The following EXTL1 variants were observed in gnomAD, a reference collection of about 807,000 sequenced individuals.
EXTL1 encodes the protein exostosin like glycosyltransferase 1, also known as exostosin-like 1.
EXTL1 carries 43 observed loss-of-function variants against 64.6 expected under a neutral mutation model. That is an observed-to-expected ratio of 0.67 (90% CI 0.52 to 0.86). The LOEUF is 0.86. EXTL1 is among the 40% of genes least tolerant of loss of function. The probability of loss-of-function intolerance (pLI) is 0.00; values close to 1 mark genes in which losing one functional copy is unlikely to be tolerated. For missense variants in EXTL1, 766 were observed against 879.0 expected (o/e 0.87, Z 1.62); for synonymous variants, 352 against 360.5 (o/e 0.98, Z 0.27).
chr1:26,031,620 G>A (rs991842372), intron 6 of EXTL1, 54 bp downstream of exon 6: 14 of 1,142,708 alleles, frequency 1.2e-5, no homozygotes, highest in Middle Eastern at 4.3e-4. Flanking sequence ...GTAAGGGACA[G>A]GGCAGGGCCC....
chr1:26,024,011 GTCTAATTTTGGGGATTA>G (rs1263201513), intron 1 of EXTL1, among the ~76,000 whole-genome samples: 1 of 152,134 alleles, frequency 6.6e-6, no homozygotes, highest in Non-Finnish European at 1.5e-5. Context: ...CTGCTCCCGT[GTCTAATTTTGGGGATTA>G]ACCTCTCAAA....
At position 26,030,163 on chromosome 1, in the gene EXTL1, C is replaced by A. The variant is rs1185477662; in HGVS notation, c.982-313C>A. 2.6e-5 allele frequency among the ~76,000 whole-genome samples: 4 copies of A among 152,234 alleles called. No homozygotes were observed. In the East Asian group the frequency reaches 7.7e-4, roughly 29 times the overall value. On this transcript the variant is annotated intron_variant, in intron 3 of 10. Transcript: ENST00000374280. ...AATATATGTGTGACCTGCCTTGAAT[C>A]CCCTGAGAATGGCAGAGGGGGTTAA...
chr1:26,027,689 TAAAA>T (rs61364586), intron 1 of EXTL1, among the ~76,000 whole-genome samples: 2 of 57,066 alleles, frequency 3.5e-5, no homozygotes, highest in Non-Finnish European at 7.5e-5. Context: ...ACCCCATCTC[TAAAA>T]AAAAAAAAAA....
Position 26,033,850 on chromosome 1 carries a change from A to G in EXTL1, c.1673A>G (p.Tyr558Cys). The change falls in exon 9 of 11, where the codon TAC becomes TGC. Residue 558 changes from tyrosine to cysteine, a missense_variant. Around this residue, in one of 3 missense-constraint regions of EXTL1, gnomAD observed 194 missense variants for 214.5 expected, o/e 0.90. Transcript: ENST00000374280. The surrounding 1 kb of genome is among the most constrained non-coding windows in gnomAD (Gnocchi z 5.1). ...ATGGTTCTCACCACAGCCGCCTTCT[A>G]CCATAGGTACAGACCCCTACCCTGC... ...FSMVLTTAAF[Y>C]HRYYHTLFTH... 6.2e-7 allele frequency: 1 copy of G among 1,613,474 alleles called. No homozygotes were observed. The highest frequency in any genetic ancestry group is 1.7e-5 in the Admixed American group (1 of 59,954).
chr1:26,034,621 G>C lies in EXTL1; in HGVS notation c.1680-215G>C, dbSNP rs2050319689. Among the ~76,000 whole-genome samples the C allele has an allele frequency of 6.6e-6, 1 of 152,184 alleles. No homozygotes were observed. Among genetic ancestry groups the C allele is most frequent in the Non-Finnish European group, 1.5e-5 (1 of 68,042 alleles). ...GATGGGGGGCCCAAGGAGCTGTGAG[G>C]GAGAGGGCAGGGAACACACCACTAA... On this transcript the variant is annotated intron_variant, in intron 9 of 10. Transcript: ENST00000374280. The surrounding 1 kb of genome is among the most constrained non-coding windows in gnomAD (Gnocchi z 4.6).
At position 26,033,787 on chromosome 1, in the gene EXTL1, G is replaced by A. The variant is rs933592979; in HGVS notation, c.1610G>A (p.Gly537Asp). 1.2e-6 allele frequency: 2 copies of A among 1,614,174 alleles called. No homozygotes were observed. The highest frequency in any genetic ancestry group is 1.1e-5 in the South Asian group (1 of 91,088). The change falls in exon 9 of 11, where the codon GGC becomes GAC. Residue 537 changes from glycine (G) to aspartate (D), a missense_variant. Gly to Asp is a moderately conservative substitution (Grantham distance 94). Around this residue, in one of 3 missense-constraint regions of EXTL1, gnomAD observed 194 missense variants for 214.5 expected, o/e 0.90. Coordinates refer to ENST00000374280, the MANE Select transcript of EXTL1 (RefSeq NM_004455.3). This position sits in a 1 kb window ranked among gnomAD's most constrained non-coding sequence, Gnocchi z 5.1. ...SSHFWDEAHG[G>D]WGYTAERTNE... is the part of the protein sequence containing the mutation. ...CATTTCTGGGACGAGGCCCATGGTG[G>A]CTGGGGCTACACTGCTGAGAGGACC...
rs138854662 is a variant in EXTL1 at position 26,022,954 on chromosome 1, C to A, written c.308C>A (p.Ala103Glu). Residue 103 changes from alanine to glutamate, a missense_variant, in exon 1 of 11, where the codon GCG becomes GAG. Around this residue, in one of 3 missense-constraint regions of EXTL1, gnomAD observed 571 missense variants for 647.6 expected, o/e 0.88. Transcript: ENST00000374280. The part of the protein sequence containing the change: ...GDGLKVFVYP[A>E]VGTISETHRR... ...GGCCTTAAGGTATTCGTGTACCCAG[C>A]GGTTGGAACCATCTCTGAGACTCAT... 35 of 1,614,088 alleles carry A rather than the reference C, an allele frequency of 2.2e-5. No homozygotes were observed. Among genetic ancestry groups the A allele is most frequent in the Non-Finnish European group, 2.9e-5 (34 of 1,179,986 alleles).
Position 26,025,608 on chromosome 1 carries a change from A to G in EXTL1, c.779+2183A>G, listed in dbSNP as rs2050205939. Among the ~76,000 whole-genome samples the G allele has an allele frequency of 6.6e-6, 1 of 152,218 alleles. No individual in the cohort carries two copies. Among genetic ancestry groups the G allele is most frequent in the Admixed American group, 6.5e-5 (1 of 15,284 alleles). On this transcript the variant is annotated intron_variant, in intron 1 of 10. Coordinates refer to ENST00000374280, the MANE Select transcript of EXTL1 (RefSeq NM_004455.3). The surrounding 1 kb of genome is among the most constrained non-coding windows in gnomAD (Gnocchi z 5.3). ...TTGAACGGTCTCTTGTTGCTTTGGA[A>G]TAAATCTCCACCCATTCAAATTGTT...
chr1:26,023,978 G>A (rs1236729329), intron 1 of EXTL1, among the ~76,000 whole-genome samples: 3 of 152,256 alleles, frequency 2.0e-5, no homozygotes, highest in Admixed American at 2.0e-4. Context: ...GCCTCAGAAG[G>A]GCCTCACAGT....
chr1:26,030,830 A>G (rs2050275820), intron 4 of EXTL1, among the ~76,000 whole-genome samples: 1 of 152,156 alleles, frequency 6.6e-6, no homozygotes, highest in Non-Finnish European at 1.5e-5. Flanking sequence ...CAAAGCATGC[A>G]CCAATGCCAG....
At chr1:26,031,431 C>T in intron 5 of EXTL1, 29 bp from the exon 6 acceptor site, 1 of 1,411,770 alleles carries the variant, frequency 7.1e-7, no homozygotes. Context: ...TTCCCTCCCA[C>T]TCTAATAGCC....
Position 26,035,449 on chromosome 1 carries a change from A to T in EXTL1, c.*102A>T. Reference sequence around the variant, plus strand: ...CTCTTGGGACACCGGAGAACCTATCATGTCAGCCAGCGGGCCCACACGTCG... The same window carrying T: ...CTCTTGGGACACCGGAGAACCTATCTTGTCAGCCAGCGGGCCCACACGTCG... On this transcript the variant is annotated 3_prime_UTR_variant, in exon 11 of 11. Transcript: ENST00000374280. This position sits in a 1 kb window ranked among gnomAD's most constrained non-coding sequence, Gnocchi z 5.3. 8.9e-7 allele frequency: 1 copy of T among 1,128,314 alleles called. No homozygotes were observed. The highest frequency in any genetic ancestry group is 1.7e-5 in the South Asian group (1 of 58,588). 69.9% of individuals were successfully genotyped at this position (1,128,314 alleles called of 1,614,324 possible).
At chr1:26,031,288 C>G in intron 5 of EXTL1, 24 bp downstream of exon 5, 1 of 1,610,702 alleles carries the variant, frequency 6.2e-7, no homozygotes, top group African/African-American at 1.3e-5. Context: ...ATGGGACAAC[C>G]TGAAGTCCCC....
At position 26,029,147 on chromosome 1, in the gene EXTL1, C is replaced by T. The variant is rs547064567; in HGVS notation, c.780-46C>T. The T allele has an allele frequency of 3.4e-6, 5 of 1,450,342 alleles. No individual in the cohort carries two copies. The African/African-American group carries it at 5.6e-5, about 16-fold the overall frequency. 89.8% of individuals were successfully genotyped at this position (1,450,342 alleles called of 1,614,324 possible). A position where few individuals can be genotyped will look rare whatever the true frequency, so the allele number is the denominator to read the frequency against. Reference sequence around the variant, plus strand: ...GAGGGAGCCCAGGGGGCGAAGGTCACTGTCCAGGCTCATGTGTGGTGGGAC... The same window carrying T: ...GAGGGAGCCCAGGGGGCGAAGGTCATTGTCCAGGCTCATGTGTGGTGGGAC... On this transcript the variant is annotated intron_variant, in intron 1 of 10. Transcript: ENST00000374280.
intron 1 of EXTL1, among the ~76,000 whole-genome samples, chr1:26,027,689 T>TAAAAAAAAAAA (rs61364586): frequency 8.1e-4 from 46 of 57,096 alleles, no homozygotes; most frequent in African/African-American, 2.8e-3. Flanking sequence ...ACCCCATCTC[T>TAAAAAAAAAAA]AAAAAAAAAA....
At position 26,031,282 on chromosome 1, in the gene EXTL1, G is replaced by A. The variant is rs1159001206; in HGVS notation, c.1234+18G>A. On this transcript the variant is annotated intron_variant, in intron 5 of 10. Transcript: ENST00000374280. Reference sequence around the variant, plus strand: ...GCAACAGGGTATGCCCTGGGGATGGGACAACCTGAAGTCCCCTCAGCTCTA... The same window carrying A: ...GCAACAGGGTATGCCCTGGGGATGGAACAACCTGAAGTCCCCTCAGCTCTA... 6.2e-7 allele frequency: 1 copy of A among 1,611,694 alleles called. No homozygotes were observed. Among genetic ancestry groups the A allele is most frequent in the South Asian group, 1.1e-5 (1 of 90,860 alleles).
Position 26,035,167 on chromosome 1 carries a change from G to C in EXTL1, c.1851G>C (p.Ala617=). 6.2e-7 allele frequency: 1 copy of C among 1,600,786 alleles called. No homozygotes were observed. The highest frequency in any genetic ancestry group is 8.5e-7 in the Non-Finnish European group (1 of 1,172,536). Reference sequence around the variant, plus strand: ...TGCATTGCTTCTTTCCCTCTTAGGCGCCTGGGGGCCCGGGGCCCAGGCCAA... The same window carrying C: ...TGCATTGCTTCTTTCCCTCTTAGGCCCCTGGGGGCCCGGGGCCCAGGCCAA... ...GKQRQEAAPL[A]PGGPGPRPKP... Residue 617 remains alanine (A), a splice_region_variant and synonymous_variant, in exon 11 of 11, where the codon GCG becomes GCC. Coordinates refer to ENST00000374280, the MANE Select transcript of EXTL1 (RefSeq NM_004455.3). The surrounding 1 kb of genome is among the most constrained non-coding windows in gnomAD (Gnocchi z 5.3).
Position 26,022,946 on chromosome 1 carries a change from G to T in EXTL1, c.300G>T (p.Val100=), listed in dbSNP as rs776950318. ...GGGGCGATGGCCTTAAGGTATTCGT[G>T]TACCCAGCGGTTGGAACCATCTCTG... The part of the protein sequence containing the change: ...KCRGDGLKVF[V]YPAVGTISET... The change falls in exon 1 of 11, where the codon GTG becomes GTT. Residue 100 remains valine, a synonymous_variant. Transcript: ENST00000374280. The T allele has an allele frequency of 6.2e-7, 1 of 1,614,148 alleles. No homozygotes were observed. Among genetic ancestry groups the T allele is most frequent in the Admixed American group, 1.7e-5 (1 of 60,020 alleles).
In EXTL1 at chr1:26,032,580, C is replaced by T. The variant is rs375042430; in HGVS notation, c.1431+95C>T. 303 of 848,172 alleles carry T rather than the reference C, an allele frequency of 3.6e-4. 1 individual carries two copies. The highest frequency in any genetic ancestry group is 1.9e-3 in the East Asian group (70 of 37,060). The allele number at this position is 848,172 out of a possible 1,614,324, so 52.5% of individuals were successfully genotyped here. On this transcript the variant is annotated intron_variant, in intron 7 of 10. Transcript: ENST00000374280. Reference sequence around the variant, plus strand: ...GTTTTATGAATACTTGGGCCTGAGCCGCAGTTGGGCCTGAAGAATGACACA... The same window carrying T: ...GTTTTATGAATACTTGGGCCTGAGCTGCAGTTGGGCCTGAAGAATGACACA...
Sources: allele counts gnomAD v4.1 joint callset (sites outside exome capture counted in the v4.1 genomes callset), GRCh38; gene constraint gnomAD v4.1.1; regional missense constraint gnomAD v4.1.1; non-coding constraint Gnocchi (gnomAD v3.1); transcripts MANE v1.5; gene names NCBI Gene and HGNC (gene_info 2026-07-23, HGNC 2026-07-21).